The following TMEM132B variants were observed in gnomAD, a reference collection of about 807,000 sequenced individuals.
TMEM132B encodes the protein transmembrane protein 132B.
A neutral mutation model predicts 90.8 loss-of-function variants in TMEM132B; 18 were observed. The ratio of observed to expected loss-of-function variants is 0.20; its 90% CI spans 0.14 to 0.29. The LOEUF (loss-of-function observed/expected upper bound fraction) is 0.29. Among genes scored for constraint, TMEM132B ranks in the 10% least tolerant of loss-of-function variants. The probability of loss-of-function intolerance (pLI) is 1.00; values close to 1 mark genes in which losing one functional copy is unlikely to be tolerated. For missense variants in TMEM132B, 1,096 were observed against 1,326.8 expected, an observed-to-expected ratio of 0.83 and a Z score of 2.70; for synonymous variants, 504 against 523.3, an observed-to-expected ratio of 0.96 and a Z score of 0.50.
At chr12:125,561,145 G>A (rs1012055813) in intron 4 of TMEM132B, among the ~76,000 whole-genome samples, 9 of 152,106 alleles carry the variant, frequency 5.9e-5, no homozygotes, top group Non-Finnish European at 1.3e-4. Flanking sequence ...ATGATAAACT[G>A]GATAAAGAAA....
intron 2 of TMEM132B, among the ~76,000 whole-genome samples, chr12:125,412,564 G>A (rs115470861): frequency 1.1e-3 from 168 of 152,280 alleles, no homozygotes; most frequent in African/African-American, 3.9e-3. Flanking sequence ...CCGGTCGTGC[G>A]CTATCGGGTG....
chr12:125,189,287 A>T (rs893668499), intron 1 of TMEM132B, among the ~76,000 whole-genome samples: 47 of 152,288 alleles, frequency 3.1e-4, no homozygotes, highest in African/African-American at 1.1e-3. Flanking sequence ...TGGCTTTGCA[A>T]ATTAGCGGTG....
chr12:125,272,977 T>C (rs965893573), intron 1 of TMEM132B, among the ~76,000 whole-genome samples: 13 of 152,250 alleles, frequency 8.5e-5, no homozygotes, highest in Non-Finnish European at 1.8e-4. Context: ...CATGGTGCCC[T>C]TTTGAACACA....
intron 2 of TMEM132B, among the ~76,000 whole-genome samples, chr12:125,390,835 A>G (rs1425946475): frequency 6.6e-6 from 1 of 152,120 alleles, no homozygotes; most frequent in Non-Finnish European, 1.5e-5. Context: ...GAACCACCTG[A>G]GTCAGAGCCA....
intron 1 of TMEM132B, among the ~76,000 whole-genome samples, chr12:125,283,818 C>T (rs116665610): frequency 6.6e-6 from 1 of 152,178 alleles, no homozygotes; most frequent in African/African-American, 2.4e-5. Flanking sequence ...TGGAGAGATA[C>T]TAGGAGTTTC....
At chr12:125,633,993 G>T (rs956654808) in intron 5 of TMEM132B, among the ~76,000 whole-genome samples, 11 of 152,198 alleles carry the variant, frequency 7.2e-5, no homozygotes, top group African/African-American at 2.4e-4. Context: ...AGTCAGCCAG[G>T]TTGGTGCCCT....
chr12:125,402,453 C>A (rs548022507), intron 2 of TMEM132B, among the ~76,000 whole-genome samples: 1 of 152,264 alleles, frequency 6.6e-6, no homozygotes, highest in Non-Finnish European at 1.5e-5. Context: ...TTGGGATTAC[C>A]GGCATGAATC....
At chr12:125,502,173 C>T (rs1039950523) in intron 3 of TMEM132B, among the ~76,000 whole-genome samples, 3 of 152,180 alleles carry the variant, frequency 2.0e-5, no homozygotes, top group African/African-American at 7.2e-5. Flanking sequence ...AATCTCAGCT[C>T]TCAAATCTCT....
intron 3 of TMEM132B, among the ~76,000 whole-genome samples, chr12:125,468,347 T>C (rs1267885906): frequency 8.5e-5 from 13 of 152,266 alleles, no homozygotes; most frequent in Non-Finnish European, 1.0e-4. Flanking sequence ...TTTGGCTGTA[T>C]TTTCTGTCAC....
intron 4 of TMEM132B, among the ~76,000 whole-genome samples, chr12:125,527,757 C>T: frequency 6.6e-6 from 1 of 152,000 alleles, no homozygotes; most frequent in East Asian, 1.9e-4. Context: ...TCCACCAATC[C>T]ACCTTCCATC....
intron 1 of TMEM132B, among the ~76,000 whole-genome samples, chr12:125,205,721 T>A (rs949199508): frequency 6.6e-6 from 1 of 152,174 alleles, no homozygotes; most frequent in Non-Finnish European, 1.5e-5. Flanking sequence ...TCAGTGTGAG[T>A]GTCTCAAGAC....
intron 1 of TMEM132B, among the ~76,000 whole-genome samples, chr12:125,326,861 T>C (rs1876593183): frequency 6.6e-6 from 1 of 152,168 alleles, no homozygotes; most frequent in Non-Finnish European, 1.5e-5. Flanking sequence ...CTTGTTACTA[T>C]TGAAACTGTC....
chr12:125,599,881 A>G (rs1420914499), intron 5 of TMEM132B, among the ~76,000 whole-genome samples: 3 of 152,176 alleles, frequency 2.0e-5, no homozygotes, highest in Admixed American at 6.5e-5. Flanking sequence ...TGATGATTAC[A>G]TAGCAGTTCA....
chr12:125,451,630 GTT>G (rs34121565), intron 3 of TMEM132B, among the ~76,000 whole-genome samples: 31 of 145,278 alleles, frequency 2.1e-4, no homozygotes, highest in Admixed American at 1.0e-3. Context: ...GTGGTCTACT[GTT>G]TTTTTTTTTT....
At chr12:125,578,164 T>C (rs1884978341) in intron 4 of TMEM132B, among the ~76,000 whole-genome samples, 1 of 152,148 alleles carries the variant, frequency 6.6e-6, no homozygotes, top group Non-Finnish European at 1.5e-5. Context: ...GTTGATCTTA[T>C]GACTAGTTGT....
intron 1 of TMEM132B, among the ~76,000 whole-genome samples, chr12:125,205,805 G>A (rs1873170004): frequency 6.6e-6 from 1 of 152,238 alleles, no homozygotes; most frequent in Non-Finnish European, 1.5e-5. Flanking sequence ...TTACTCATTA[G>A]CAGCCAGCCC....
chr12:125,358,827 A>C (rs997305823), intron 2 of TMEM132B, among the ~76,000 whole-genome samples: 1 of 152,162 alleles, frequency 6.6e-6, no homozygotes, highest in African/African-American at 2.4e-5. Context: ...GAGATTACAC[A>C]TTTATCTTGT....
intron 3 of TMEM132B, among the ~76,000 whole-genome samples, chr12:125,454,827 G>A (rs1278151512): frequency 6.6e-6 from 1 of 152,178 alleles, no homozygotes; most frequent in Non-Finnish European, 1.5e-5. Flanking sequence ...TAGAAACTGT[G>A]AACTATCTCT....
rs139315756 is a variant in TMEM132B at position 125,369,177 on chromosome 12, C to T, written c.959+18834C>T. Reference sequence around the variant, plus strand: ...GAGAGTGATGGTTTCCAGCTTCATCCGTGTCCCTACAAAGGACATGAACTC... The same window carrying T: ...GAGAGTGATGGTTTCCAGCTTCATCTGTGTCCCTACAAAGGACATGAACTC... On this transcript the variant is annotated intron_variant, in intron 2 of 8. Coordinates refer to ENST00000682704, the MANE Select transcript of TMEM132B (RefSeq NM_001366854.1). Among the ~76,000 whole-genome samples the T allele has an allele frequency of 4.3e-3, 652 of 152,232 alleles. 14 individuals carry two copies. In the South Asian group the frequency reaches 0.049, roughly 11 times the overall value.
Sources: gnomAD v4.1 joint callset for allele counts (sites outside exome capture counted in the v4.1 genomes callset) on GRCh38, gnomAD v4.1.1 for gene constraint, MANE v1.5 for transcripts, NCBI Gene and HGNC (gene_info 2026-07-23, HGNC 2026-07-21) for gene names.